The following NELL1 variants were observed in gnomAD, a reference collection of about 807,000 sequenced individuals.
NELL1 encodes protein kinase C-binding protein NELL1.
NELL1 carries 76 observed loss-of-function variants against 107.4 expected under a neutral mutation model. That is an observed-to-expected ratio of 0.71 (90% CI 0.59 to 0.86). The LOEUF is 0.86. Ranked by LOEUF, NELL1 falls within the 40% of genes least tolerant of loss-of-function variation. The probability of loss-of-function intolerance (pLI) is 0.00; values close to 1 mark genes in which losing one functional copy is unlikely to be tolerated. For missense variants in NELL1, 1,024 were observed against 1,005.5 expected (o/e 1.02, Z -0.25); for synonymous variants, 353 against 341.2 (o/e 1.03, Z -0.38).
intron 15 of NELL1, among the ~76,000 whole-genome samples, chr11:21,475,110 A>T (rs1265057198): frequency 6.6e-6 from 1 of 152,194 alleles, no homozygotes; most frequent in Non-Finnish European, 1.5e-5. Context: ...AAAGGAAAAA[A>T]AAGCTAAAAG....
intron 14 of NELL1, among the ~76,000 whole-genome samples, chr11:21,330,117 G>A (rs959322666): frequency 8.6e-5 from 13 of 151,754 alleles, no homozygotes; most frequent in African/African-American, 3.1e-4. Flanking sequence ...ATATAGCTTT[G>A]CTCCTAACTA....
At chr11:20,896,363 C>A (rs928433789) in intron 5 of NELL1, among the ~76,000 whole-genome samples, 2 of 152,156 alleles carry the variant, frequency 1.3e-5, no homozygotes, top group Non-Finnish European at 2.9e-5. Context: ...GCCACAATTT[C>A]TTTATCCATT....
At chr11:21,297,070 T>C (rs1238900949) in intron 14 of NELL1, among the ~76,000 whole-genome samples, 1 of 151,774 alleles carries the variant, frequency 6.6e-6, no homozygotes, top group Non-Finnish European at 1.5e-5. Flanking sequence ...AATTTATTTC[T>C]ATGTAGGCAT....
chr11:21,145,283 C>A (rs1359734378), intron 13 of NELL1, among the ~76,000 whole-genome samples: 1 of 151,998 alleles, frequency 6.6e-6, no homozygotes, highest in Non-Finnish European at 1.5e-5. Flanking sequence ...ATAATTTATC[C>A]AACTTATAAG....
At chr11:21,196,273 C>T (rs1791848) in intron 13 of NELL1, among the ~76,000 whole-genome samples, 134,260 of 152,136 alleles carry the variant, frequency 0.88, 61,620 homozygotes, top group East Asian at 1. Context: ...CAGAGGTTGA[C>T]GGAAAGTCCA....
intron 4 of NELL1, among the ~76,000 whole-genome samples, chr11:20,859,407 C>T (rs980109672): frequency 1.1e-4 from 16 of 152,188 alleles, no homozygotes; most frequent in South Asian, 2.1e-4. Flanking sequence ...TACAGAGATA[C>T]GGCCCATTGT....
chr11:21,419,573 T>G (rs1007373840), intron 15 of NELL1, among the ~76,000 whole-genome samples: 6 of 152,134 alleles, frequency 3.9e-5, no homozygotes, highest in Admixed American at 2.6e-4. Context: ...CATGACACTC[T>G]TCTTTGAATA....
intron 12 of NELL1, among the ~76,000 whole-genome samples, chr11:21,068,149 AG>A (rs1853925767): frequency 6.7e-6 from 1 of 148,900 alleles, no homozygotes; most frequent in African/African-American, 2.5e-5. Flanking sequence ...TCTGGTGTCT[AG>A]TGGCCTTTGG....
At chr11:20,754,259 G>A (rs1415909606) in intron 2 of NELL1, among the ~76,000 whole-genome samples, 6 of 152,108 alleles carry the variant, frequency 3.9e-5, no homozygotes, top group African/African-American at 1.4e-4. Flanking sequence ...ATTTCAGTAG[G>A]GCCTTTAACA....
intron 14 of NELL1, among the ~76,000 whole-genome samples, chr11:21,334,020 C>T (rs748507058): frequency 6.6e-6 from 1 of 152,024 alleles, no homozygotes; most frequent in Non-Finnish European, 1.5e-5. Context: ...TCTGCATGTG[C>T]ATTGGAGTTC....
chr11:21,068,032 C>CAAAAAAAAAAAAAAAAAA, intron 12 of NELL1, among the ~76,000 whole-genome samples: 1 of 40,382 alleles, frequency 2.5e-5, no homozygotes, highest in Non-Finnish European at 4.1e-5. Flanking sequence ...GATGCCATCT[C>CAAAAAAAAAAAAAAAAAA]AAAAAAAAAA....
Position 20,783,736 on chromosome 11 carries a change from T to A in NELL1, c.241T>A (p.Phe81Ile). The A allele has an allele frequency of 3.7e-6, 6 of 1,612,784 alleles. No homozygotes were observed. Among genetic ancestry groups the A allele is most frequent in the Non-Finnish European group, 5.1e-6 (6 of 1,178,850 alleles). The change falls in exon 3 of 20, where the codon TTC becomes ATC. Residue 81 changes from phenylalanine to isoleucine, a missense_variant. Phe to Ile is a conservative substitution (Grantham distance 21). Coordinates refer to ENST00000357134, the MANE Select transcript of NELL1 (RefSeq NM_006157.5). Reference sequence around the variant, plus strand: ...TGTGAGTGAGAAATTAATTCAGCTGTTCCGGAACAAGAGTGAATTCACCAT... The same window carrying A: ...TGTGAGTGAGAAATTAATTCAGCTGATCCGGAACAAGAGTGAATTCACCAT... ...PHVSEKLIQL[F>I]RNKSEFTILA...
chr11:21,131,472 CTCAGTCA>C (rs1855615563), intron 13 of NELL1, among the ~76,000 whole-genome samples: 1 of 152,134 alleles, frequency 6.6e-6, no homozygotes, highest in Admixed American at 6.5e-5. Flanking sequence ...CTCTTTAGGC[CTCAGTCA>C]TCATCTGCAG....
chr11:21,043,182 C>G (rs577531348), intron 12 of NELL1, among the ~76,000 whole-genome samples: 51 of 152,248 alleles, frequency 3.3e-4, no homozygotes, highest in African/African-American at 1.2e-3. Flanking sequence ...TACTGCTATT[C>G]ATTCACCAAC....
chr11:21,089,362 C>T (rs1854470387), intron 12 of NELL1, among the ~76,000 whole-genome samples: 1 of 152,112 alleles, frequency 6.6e-6, no homozygotes, highest in Non-Finnish European at 1.5e-5. Context: ...ATTTAAATAG[C>T]ATTACATAAA....
At chr11:20,893,043 TGTG>T (rs1849650759) in intron 5 of NELL1, among the ~76,000 whole-genome samples, 1 of 150,378 alleles carries the variant, frequency 6.6e-6, no homozygotes, top group Non-Finnish European at 1.5e-5. Context: ...CTAAAGAAAA[TGTG>T]GTACATAAAC....
At chr11:21,327,313 T>A (rs972421729) in intron 14 of NELL1, among the ~76,000 whole-genome samples, 2 of 151,838 alleles carry the variant, frequency 1.3e-5, no homozygotes, top group Non-Finnish European at 2.9e-5. Context: ...ACCTGCACAT[T>A]GTGCACATGT....
intron 9 of NELL1, among the ~76,000 whole-genome samples, chr11:20,930,495 A>G (rs976160216): frequency 2.0e-5 from 3 of 152,068 alleles, no homozygotes; most frequent in Admixed American, 1.3e-4. Context: ...TGATATCTAG[A>G]TTGTTTCCCA....
chr11:21,564,748 G>T (rs1266163981), intron 17 of NELL1, among the ~76,000 whole-genome samples: 1 of 151,686 alleles, frequency 6.6e-6, no homozygotes, highest in Non-Finnish European at 1.5e-5. Context: ...CAGTATTTAT[G>T]GTATAACAGT....
Sources: allele counts gnomAD v4.1 joint callset (sites outside exome capture counted in the v4.1 genomes callset), GRCh38; gene constraint gnomAD v4.1.1; transcripts MANE v1.5; gene names NCBI Gene and HGNC (gene_info 2026-07-23, HGNC 2026-07-21).